Variants in THADA observed in about 807,000 individuals in gnomAD.
The protein encoded by THADA is THADA armadillo repeat containing, also known as tRNA (32-2'-O)-methyltransferase regulator THADA.
In THADA, 213 loss-of-function variants were observed where a neutral mutation model predicts 219.8. The ratio of observed to expected loss-of-function variants is 0.97; its 90% CI spans 0.87 to 1.09. The LOEUF is 1.09. Ranked by LOEUF, THADA falls within the 50% of genes least tolerant of loss-of-function variation. The pLI is 0.00. For synonymous variants in THADA, 1,018 were observed against 828.9 expected, an observed-to-expected ratio of 1.23 and a Z score of -3.92; for missense variants, 2,956 against 2,311.3, an observed-to-expected ratio of 1.28 and a Z score of -5.72.
intron 25 of THADA, among the ~76,000 whole-genome samples, chr2:43,485,935 T>C (rs1686868504): frequency 6.6e-6 from 1 of 152,058 alleles, no homozygotes; most frequent in African/African-American, 2.4e-5. Flanking sequence ...TTGTTGTTGT[T>C]ATTTTTACAG....
chr2:43,372,742 G>A (rs948095874), intron 29 of THADA, among the ~76,000 whole-genome samples: 1 of 152,142 alleles, frequency 6.6e-6, no homozygotes, highest in African/African-American at 2.4e-5. Context: ...TAGAGCATTA[G>A]TCTAATAAGT....
chr2:43,308,290 A>T (rs1049692442), intron 31 of THADA, among the ~76,000 whole-genome samples: 11 of 151,626 alleles, frequency 7.3e-5, no homozygotes, highest in Admixed American at 6.6e-4. Context: ...AAAACAGATT[A>T]AAAAAAAAGA....
intron 29 of THADA, among the ~76,000 whole-genome samples, chr2:43,379,283 T>C (rs182245584): frequency 6.6e-6 from 1 of 151,868 alleles, no homozygotes; most frequent in African/African-American, 2.4e-5. Context: ...TCCAACAGAA[T>C]AAGGTAAAAA....
chr2:43,258,258 C>T (rs1318500664), intron 36 of THADA, among the ~76,000 whole-genome samples: 3 of 152,158 alleles, frequency 2.0e-5, no homozygotes, highest in Non-Finnish European at 4.4e-5. Context: ...TGCGGTGGCT[C>T]ATGCCTGTAA....
At position 43,552,229 on chromosome 2, in the gene THADA, C is replaced by G; in HGVS notation, c.2785G>C (p.Gly929Arg). ...PMYGRVHCIT[G>R]ALQKLSLNSL... ...TTTAGAGATAACTTCTGCAAAGCTC[C>G]TGTTATACAGTGGACTCGCCCATAC... Residue 929 changes from glycine (G) to arginine (R), a missense_variant, in exon 18 of 38, where the codon GGA (glycine) becomes CGA (arginine). By Grantham distance (125) the Gly-to-Arg change is moderately radical. Coordinates refer to ENST00000405975, the MANE Select transcript of THADA (RefSeq NM_022065.5). The G allele has an allele frequency of 1.2e-6, 2 of 1,610,332 alleles. No individual in the cohort carries two copies. Among genetic ancestry groups the G allele is most frequent in the Non-Finnish European group, 1.7e-6 (2 of 1,178,924 alleles).
At chr2:43,471,078 A>T (rs1484679147) in intron 26 of THADA, among the ~76,000 whole-genome samples, 1 of 152,140 alleles carries the variant, frequency 6.6e-6, no homozygotes, top group Non-Finnish European at 1.5e-5. Context: ...TCACACTTGG[A>T]CTCAGGTCTC....
At chr2:43,300,938 C>T (rs1286663610) in intron 31 of THADA, among the ~76,000 whole-genome samples, 1 of 152,208 alleles carries the variant, frequency 6.6e-6, no homozygotes, top group Non-Finnish European at 1.5e-5. Context: ...GCATTTTCAA[C>T]AAGCTCACAG....
chr2:43,267,892 A>G (rs1671703029), intron 36 of THADA, among the ~76,000 whole-genome samples: 1 of 152,214 alleles, frequency 6.6e-6, no homozygotes, highest in African/African-American at 2.4e-5. Flanking sequence ...CAGCTGTTTC[A>G]TGCTTGAAAC....
intron 37 of THADA, among the ~76,000 whole-genome samples, 163 bp from the exon 38 acceptor site, chr2:43,231,506 A>G (rs1667415093): frequency 6.6e-6 from 1 of 152,198 alleles, no homozygotes; most frequent in African/African-American, 2.4e-5. Context: ...CACCACTTGC[A>G]GCCTTGAAGG....
At chr2:43,233,717 C>T (rs747613746) in intron 36 of THADA, among the ~76,000 whole-genome samples, 2 of 152,114 alleles carry the variant, frequency 1.3e-5, no homozygotes, top group Non-Finnish European at 2.9e-5. Flanking sequence ...AACATTTGGC[C>T]TTAGACAATC....
intron 29 of THADA, among the ~76,000 whole-genome samples, chr2:43,377,750 T>C (rs1329442973): frequency 3.9e-5 from 6 of 152,000 alleles, no homozygotes; most frequent in South Asian, 2.1e-4. Context: ...ATGAAATCTA[T>C]AGAAAGGGCC....
chr2:43,270,855 C>T (rs1477521881), intron 36 of THADA, among the ~76,000 whole-genome samples: 1 of 152,038 alleles, frequency 6.6e-6, no homozygotes, highest in East Asian at 1.9e-4. Flanking sequence ...TGAGACCCCA[C>T]CTTTAAAAAC....
Position 43,574,524 on chromosome 2 carries a change from G to C in THADA, c.1541C>G (p.Ala514Gly). The C allele has an allele frequency of 6.2e-7, 1 of 1,613,944 alleles. No homozygotes were observed. The highest frequency in any genetic ancestry group is 1.1e-5 in the South Asian group (1 of 91,070). Reference sequence around the variant, plus strand: ...CCACTGGTCAATCCAAGAACTCTCAGCAGTCTGGGATTTCAAATGACTCTT... The same window carrying C: ...CCACTGGTCAATCCAAGAACTCTCACCAGTCTGGGATTTCAAATGACTCTT... ...NHKSHLKSQT[A>G]ESSWIDQWHE... The change falls in exon 11 of 38, where the codon GCT (alanine) becomes GGT (glycine). Residue 514 changes from alanine to glycine, a missense_variant. Physicochemically the swap from Ala to Gly is moderately conservative, Grantham distance 60 (BLOSUM62 0). Coordinates refer to ENST00000405975, the MANE Select transcript of THADA (RefSeq NM_022065.5).
chr2:43,320,631 T>A, intron 30 of THADA, 91 bp from the exon 31 acceptor site: 6 of 861,476 alleles, frequency 7.0e-6, no homozygotes, highest in Non-Finnish European at 1.1e-5. Context: ...TTCTATGGTA[T>A]ATGATGGGGC....
chr2:43,345,504 G>T (rs780796524), intron 29 of THADA, among the ~76,000 whole-genome samples: 5 of 152,210 alleles, frequency 3.3e-5, no homozygotes, highest in Non-Finnish European at 7.3e-5. Context: ...TAATGGATCT[G>T]TTATTTCAGA....
chr2:43,528,039 G>C, intron 21 of THADA, 51 bp from the exon 22 acceptor site: 3 of 1,320,064 alleles, frequency 2.3e-6, no homozygotes, highest in Non-Finnish European at 3.2e-6. Context: ...ACATTCGCAA[G>C]TGTATTTATA....
intron 26 of THADA, among the ~76,000 whole-genome samples, chr2:43,433,876 A>T (rs1346876300): frequency 3.9e-5 from 6 of 152,136 alleles, no homozygotes; most frequent in African/African-American, 7.2e-5. Flanking sequence ...TTTAGTAGAG[A>T]TGAGGTTTCA....
intron 21 of THADA, among the ~76,000 whole-genome samples, chr2:43,532,564 A>G (rs1445865505): frequency 1.3e-5 from 2 of 152,200 alleles, no homozygotes; most frequent in Non-Finnish European, 2.9e-5. Context: ...CTTCATGCTA[A>G]AAACTCTCAA....
intron 23 of THADA, among the ~76,000 whole-genome samples, chr2:43,507,933 A>C (rs535450265): frequency 1.3e-4 from 20 of 152,146 alleles, no homozygotes; most frequent in South Asian, 6.2e-4. Flanking sequence ...GAAATCAAAG[A>C]GCAAGCAGTG....
Sources: allele counts gnomAD v4.1 joint callset (sites outside exome capture counted in the v4.1 genomes callset), GRCh38; gene constraint gnomAD v4.1.1; transcripts MANE v1.5; gene names NCBI Gene and HGNC (gene_info 2026-07-23, HGNC 2026-07-21).